The following UQCRC1 variants were observed in gnomAD, a reference collection of about 807,000 sequenced individuals.
The protein encoded by UQCRC1 is cytochrome b-c1 complex subunit 1, mitochondrial.
In UQCRC1, 34 loss-of-function variants were observed where a neutral mutation model predicts 58.0. The observed-to-expected ratio is 0.59, with a 90% CI of 0.45 to 0.78. UQCRC1 has a LOEUF of 0.78. Among genes scored for constraint, UQCRC1 ranks in the 30% least tolerant of loss-of-function variants. The pLI, the probability that UQCRC1 is intolerant of heterozygous loss-of-function variation, is 0.00. For missense variants in UQCRC1, 610 were observed against 646.0 expected, an observed-to-expected ratio of 0.94 and a Z score of 0.60; for synonymous variants, 276 against 248.8, an observed-to-expected ratio of 1.11 and a Z score of -1.03.
rs1425870809 is a variant in UQCRC1 at position 48,599,714 on chromosome 3, C to G, written c.1303-4G>C. On this transcript the variant is annotated splice_polypyrimidine_tract_variant and splice_region_variant and intron_variant, in intron 11 of 12. Coordinates refer to ENST00000203407, the MANE Select transcript of UQCRC1 (RefSeq NM_003365.3). ...GTACCACACTGGCATCCACCTCCTGCAGGGTGAGGCAGAGGGCATACTGGC... is the reference window on the plus strand; with the variant it reads ...GTACCACACTGGCATCCACCTCCTGGAGGGTGAGGCAGAGGGCATACTGGC... 1.2e-6 allele frequency: 2 copies of G among 1,613,654 alleles called. No homozygotes were observed. The highest frequency in any genetic ancestry group is 8.5e-7 in the Non-Finnish European group (1 of 1,179,978).
At chr3:48,599,465 A>G in intron 12 of UQCRC1, 170 bp downstream of exon 12, 1 of 749,024 alleles carries the variant, frequency 1.3e-6, no homozygotes, top group Non-Finnish European at 2.2e-6. Flanking sequence ...CTGCTGGGAC[A>G]GGTTTTCTGA....
At chr3:48,605,917 C>T in intron 2 of UQCRC1, 61 bp from the exon 3 acceptor site, 3 of 1,532,958 alleles carry the variant, frequency 2.0e-6, no homozygotes, top group East Asian at 2.3e-5. Context: ...CCTACTCACA[C>T]CCCACCTGAG....
At position 48,600,577 on chromosome 3, in the gene UQCRC1, G is replaced by C. The variant is rs752149225; in HGVS notation, c.1128-10C>G. ...GGTACACAGGCGCATCCTAAAGTGGGGGGGTGGGTGGTATTCATTCTGAGC... is the reference window on the plus strand; with the variant it reads ...GGTACACAGGCGCATCCTAAAGTGGCGGGGTGGGTGGTATTCATTCTGAGC... On this transcript the variant is annotated splice_polypyrimidine_tract_variant and intron_variant, in intron 9 of 12. Transcript: ENST00000203407. The C allele has an allele frequency of 1.2e-5, 20 of 1,613,962 alleles. No individual in the cohort carries two copies. Among genetic ancestry groups the C allele is most frequent in the Non-Finnish European group, 1.7e-5 (20 of 1,180,010 alleles).
rs749373302 is a variant in UQCRC1, at chr3:48,609,144, A to G, written c.210+18T>C. 1.9e-6 allele frequency: 3 copies of G among 1,596,172 alleles called. No individual in the cohort carries two copies. The highest frequency in any genetic ancestry group is 4.5e-5 in the East Asian group (2 of 44,388). The stretch of plus-strand genomic sequence containing the variant: ...GCCCAACCTGGAGGCCCTCTCCCCA[A>G]AAGCGTCCCCAACTCACCGTGCAAG... On this transcript the variant is annotated intron_variant, in intron 2 of 12. Transcript: ENST00000203407.
In UQCRC1 at chr3:48,604,289, T is replaced by C. The variant is rs748280366; in HGVS notation, c.570A>G (p.Thr190=). The change falls in exon 5 of 13, where the codon ACA becomes ACG. Residue 190 remains threonine, a synonymous_variant. Coordinates refer to ENST00000203407, the MANE Select transcript of UQCRC1 (RefSeq NM_003365.3). ...GGGCTAGAGGTGTGCCCTGGAATGC[T>C]GTGGCATGCAGGTAGTTAAAGACCA... ...RDVVFNYLHA[T]AFQGTPLAQA... 2.5e-6 allele frequency: 4 copies of C among 1,613,668 alleles called. No homozygotes were observed. Among genetic ancestry groups the C allele is most frequent in the East Asian group, 2.2e-5 (1 of 44,884 alleles).
At position 48,605,943 on chromosome 3, in the gene UQCRC1, C is replaced by T. The variant is rs767230143; in HGVS notation, c.211-87G>A. The T allele has an allele frequency of 3.0e-6, 4 of 1,314,416 alleles. No individual in the cohort carries two copies. In the Admixed American group the frequency reaches 6.6e-5, roughly 22 times the overall value. 81.4% of individuals were successfully genotyped at this position (1,314,416 alleles called of 1,614,324 possible). ...CCCACCTGAGTGACTCAGTACAAGC[C>T]CCAGGCAGGGACTTATGAATCCTGG... On this transcript the variant is annotated intron_variant, in intron 2 of 12. Coordinates refer to ENST00000203407, the MANE Select transcript of UQCRC1 (RefSeq NM_003365.3).
chr3:48,599,310 G>T, intron 12 of UQCRC1, 118 bp from the exon 13 acceptor site: 1 of 1,191,550 alleles, frequency 8.4e-7, no homozygotes, highest in Non-Finnish European at 1.2e-6. Context: ...GGCTTTGAGT[G>T]GAAAGAGAGG....
Position 48,599,057 on chromosome 3 carries a change from A to C in UQCRC1, c.*71T>G, listed in dbSNP as rs1352053038. The C allele has an allele frequency of 1.3e-6, 2 of 1,568,396 alleles. No homozygotes were observed. Among genetic ancestry groups the C allele is most frequent in the African/African-American group, 2.7e-5 (2 of 73,850 alleles). On this transcript the variant is annotated 3_prime_UTR_variant, in exon 13 of 13. Coordinates refer to ENST00000203407, the MANE Select transcript of UQCRC1 (RefSeq NM_003365.3). ...CTGTGGCACAGGTTAGAGGAGCCGAAGTGCTGTGTTTGTGGTGGGGGGGGG... is the reference window on the plus strand; with the variant it reads ...CTGTGGCACAGGTTAGAGGAGCCGACGTGCTGTGTTTGTGGTGGGGGGGGG...
rs1381139896 is a variant in UQCRC1 at position 48,608,610 on chromosome 3, AAGG to A, written c.210+549_210+551del. 1.3e-5 allele frequency among the ~76,000 whole-genome samples: 2 copies of A among 152,224 alleles called. 1 individual carries two copies. Among genetic ancestry groups the A allele is most frequent in the South Asian group, 4.1e-4 (2 of 4,836 alleles). ...ATCTGGCCCTGGGGCTGGGGGCTGAAAGGAGGAGGAGATAATTATTTCTTGGGA... is the reference window on the plus strand; with the variant it reads ...ATCTGGCCCTGGGGCTGGGGGCTGAAAGGAGGAGATAATTATTTCTTGGGA... On this transcript the variant is annotated intron_variant, in intron 2 of 12. Transcript: ENST00000203407.
chr3:48,605,865 G>A lies in UQCRC1; in HGVS notation c.211-9C>T. 1 of 1,613,096 alleles carries A rather than the reference G, an allele frequency of 6.2e-7. No homozygotes were observed. Among genetic ancestry groups the A allele is most frequent in the South Asian group, 1.1e-5 (1 of 90,928 alleles). Reference sequence around the variant, plus strand: ...TCAATCCACACTCCCACCTGGTCAAGAAGCCACCAGAAAAGGTTACAAACA... The same window carrying A: ...TCAATCCACACTCCCACCTGGTCAAAAAGCCACCAGAAAAGGTTACAAACA... On this transcript the variant is annotated splice_polypyrimidine_tract_variant and intron_variant, in intron 2 of 12. Transcript: ENST00000203407.
Position 48,603,597 on chromosome 3 carries a change from T to G in UQCRC1, c.673A>C (p.Lys225Gln), listed in dbSNP as rs746298877. The G allele has an allele frequency of 2.5e-6, 4 of 1,613,870 alleles. No homozygotes were observed. In the African/African-American group the frequency reaches 5.3e-5, roughly 22 times the overall value. ...GCTGCCAGCACCATTCGAGGGGCCT[T>G]GTAATGTGTGCTGAGGTACTCGGTC... ...DLTEYLSTHY[K>Q]APRMVLAAAG... The change falls in exon 6 of 13, where the codon AAG becomes CAG. Residue 225 changes from lysine to glutamine, a missense_variant. Lys to Gln is a moderately conservative substitution (Grantham distance 53). Transcript: ENST00000203407.
At position 48,609,642 on chromosome 3, in the gene UQCRC1, G is replaced by A. The variant is rs1311664000; in HGVS notation, c.-22C>T. On this transcript the variant is annotated 5_prime_UTR_variant, in exon 1 of 13. Coordinates refer to ENST00000203407, the MANE Select transcript of UQCRC1 (RefSeq NM_003365.3). ...CCATCTTCCAGCTGCAGTCGGCCCT[G>A]TTGCGCCGCGCAAGCGTAGACTGGG... 7 of 1,545,344 alleles carry A rather than the reference G, an allele frequency of 4.5e-6. No homozygotes were observed. The highest frequency in any genetic ancestry group is 1.4e-5 in the African/African-American group (1 of 72,060).
rs1052371728 is a variant in UQCRC1 at position 48,599,763 on chromosome 3, C to T, written c.1303-53G>A. On this transcript the variant is annotated intron_variant, in intron 11 of 12. Coordinates refer to ENST00000203407, the MANE Select transcript of UQCRC1 (RefSeq NM_003365.3). ...GCTAACGGGCACCTGGCCACCACCT[C>T]AGCCAGTCAGCATCATCCAACTAGC... 10 of 1,559,356 alleles carry T rather than the reference C, an allele frequency of 6.4e-6. No homozygotes were observed. In the African/African-American group the frequency reaches 1.1e-4, roughly 17 times the overall value.
intron 7 of UQCRC1, 73 bp from the exon 8 acceptor site, chr3:48,601,191 A>T (rs778839261): frequency 3.1e-5 from 48 of 1,556,260 alleles, no homozygotes; most frequent in Non-Finnish European, 3.1e-5. Context: ...AGGTGTGGGT[A>T]GAGGGTGTAT....
chr3:48,604,115 A>G, intron 5 of UQCRC1, 118 bp downstream of exon 5: 5 of 1,079,416 alleles, frequency 4.6e-6, no homozygotes, highest in Non-Finnish European at 6.8e-6. Context: ...AACTGTCTCC[A>G]GTTGCATAAC....
chr3:48,601,198 G>T (rs1482023343), intron 7 of UQCRC1, 80 bp from the exon 8 acceptor site: 2 of 1,551,266 alleles, frequency 1.3e-6, no homozygotes, highest in Non-Finnish European at 1.7e-6. Context: ...GGTAGAGGGT[G>T]TATGTGTGTG....
Position 48,604,783 on chromosome 3 carries a change from G to A in UQCRC1, c.298-3C>T, listed in dbSNP as rs777433200. On this transcript the variant is annotated splice_region_variant and splice_polypyrimidine_tract_variant and intron_variant, in intron 3 of 12. Coordinates refer to ENST00000203407, the MANE Select transcript of UQCRC1 (RefSeq NM_003365.3). ...CTGCCAGGCCGATTCTTTGTTCCCT[G>A]GAACCAGATATCAACCAGAACAATC... 3 of 1,613,914 alleles carry A rather than the reference G, an allele frequency of 1.9e-6. No individual in the cohort carries two copies. The South Asian group carries it at 3.3e-5, about 18-fold the overall frequency.
intron 1 of UQCRC1, 30 bp from the exon 2 acceptor site, chr3:48,609,332 C>A (rs2107850148): frequency 6.3e-7 from 1 of 1,590,676 alleles, no homozygotes; most frequent in Non-Finnish European, 8.6e-7. Context: ...CGAGTGAGGA[C>A]TCGGTCAGGG....
chr3:48,603,789 C>T (rs2046387395), intron 5 of UQCRC1, 146 bp from the exon 6 acceptor site: 4 of 766,030 alleles, frequency 5.2e-6, no homozygotes, highest in South Asian at 4.9e-5. Context: ...ACCCCCTTCC[C>T]CTGTCTCTGC....
Sources: gnomAD v4.1 joint callset for allele counts (sites outside exome capture counted in the v4.1 genomes callset) on GRCh38, gnomAD v4.1.1 for gene constraint, MANE v1.5 for transcripts, NCBI Gene and HGNC (gene_info 2026-07-23, HGNC 2026-07-21) for gene names.